Variants in DOCK9 observed in about 807,000 individuals in gnomAD.
DOCK9 encodes dedicator of cytokinesis 9.
Under a neutral mutation model 263.3 loss-of-function variants are expected in DOCK9, and 89 were observed. The ratio of observed to expected loss-of-function variants is 0.34; its 90% CI spans 0.28 to 0.40. The LOEUF is 0.40. Ranked by LOEUF, DOCK9 falls within the 10% of genes least tolerant of loss-of-function variation. The probability of loss-of-function intolerance (pLI) is 1.00; values close to 1 mark genes in which losing one functional copy is unlikely to be tolerated. For synonymous variants in DOCK9, 976 were observed against 973.1 expected (o/e 1.00, Z -0.06); for missense variants, 2,140 against 2,603.4 (o/e 0.82, Z 3.87).
At chr13:98,968,539 G>A (rs375817890) in intron 1 of DOCK9, among the ~76,000 whole-genome samples, 6 of 152,132 alleles carry the variant, frequency 3.9e-5, no homozygotes, top group Admixed American at 1.3e-4. Flanking sequence ...AGAATTGCTT[G>A]CACCCTGGAG....
chr13:98,902,301 T>G lies in DOCK9; in HGVS notation c.1367A>C (p.Gln456Pro), dbSNP rs1183491868. 1 of 1,613,742 alleles carries G rather than the reference T, an allele frequency of 6.2e-7. No individual in the cohort carries two copies. The highest frequency in any genetic ancestry group is 1.3e-5 in the African/African-American group (1 of 74,926). ...LKGILHEAAM[Q>P]YPKQGIFSVT... Reference sequence around the variant, plus strand: ...CATACTCCCCACCTGCTTCGGATACTGCATGGCGGCTTCATGAAGGATGCC... The same window carrying G: ...CATACTCCCCACCTGCTTCGGATACGGCATGGCGGCTTCATGAAGGATGCC... The change falls in exon 12 of 53, where the codon CAG becomes CCG. Residue 456 changes from glutamine (Q) to proline (P), a missense_variant. Around this residue, in one of 2 missense-constraint regions of DOCK9, gnomAD observed 1,521 missense variants for 1,741.7 expected, o/e 0.87. Coordinates refer to ENST00000682017, the MANE Select transcript of DOCK9 (RefSeq NM_001366683.2).
At chr13:98,958,061 C>CA (rs2141037765) in intron 1 of DOCK9, among the ~76,000 whole-genome samples, 1 of 152,324 alleles carries the variant, frequency 6.6e-6, no homozygotes, top group East Asian at 1.9e-4. Context: ...GCATTGTGAG[C>CA]CCTGGACAGG....
rs1276356140 is a variant in DOCK9 at position 98,831,746 on chromosome 13, T to C, written c.4355A>G (p.Lys1452Arg). The C allele has an allele frequency of 1.2e-6, 2 of 1,614,034 alleles. No individual in the cohort carries two copies. Among genetic ancestry groups the C allele is most frequent in the Non-Finnish European group, 1.7e-6 (2 of 1,179,894 alleles). ...LADHGHNPLM[K>R]KVFDVYLCFL... Reference sequence around the variant, plus strand: ...ACACAGGTAGACATCAAAAACTTTTTTCATGAGAGGATTATGTCCATGGTC... The same window carrying C: ...ACACAGGTAGACATCAAAAACTTTTCTCATGAGAGGATTATGTCCATGGTC... The change falls in exon 40 of 53, where the codon AAA (lysine) becomes AGA (arginine). Residue 1452 changes from lysine (K) to arginine (R), a missense_variant. By Grantham distance (26) the Lys-to-Arg change is conservative. Around this residue, in one of 2 missense-constraint regions of DOCK9, gnomAD observed 619 missense variants for 861.8 expected, o/e 0.72. Coordinates refer to ENST00000682017, the MANE Select transcript of DOCK9 (RefSeq NM_001366683.2).
At chr13:98,936,707 T>G (rs1297493125) in intron 2 of DOCK9, among the ~76,000 whole-genome samples, 1 of 152,090 alleles carries the variant, frequency 6.6e-6, no homozygotes, top group Non-Finnish European at 1.5e-5. Context: ...AACCATCCAT[T>G]ACTTGCATAT....
intron 5 of DOCK9, 86 bp from the exon 6 acceptor site, chr13:98,922,232 C>A: frequency 1.0e-6 from 1 of 961,812 alleles, no homozygotes; most frequent in Non-Finnish European, 1.6e-6. Flanking sequence ...GAAGGTCATT[C>A]CCTTTGTGCC....
intron 45 of DOCK9, among the ~76,000 whole-genome samples, chr13:98,812,350 T>C (rs2091393306): frequency 6.6e-6 from 1 of 151,512 alleles, no homozygotes; most frequent in African/African-American, 2.4e-5. Flanking sequence ...ACTCACAGTC[T>C]TAGGAACTGG....
At chr13:99,060,430 T>C (rs2041137241) in intron 1 of DOCK9, among the ~76,000 whole-genome samples, 1 of 152,176 alleles carries the variant, frequency 6.6e-6, no homozygotes, top group Non-Finnish European at 1.5e-5. Flanking sequence ...AACACACAAG[T>C]ACACATTTTT....
chr13:99,006,016 A>G (rs7986702), intron 1 of DOCK9, among the ~76,000 whole-genome samples: 2,663 of 152,346 alleles, frequency 0.017, 91 homozygotes, highest in African/African-American at 0.061. Context: ...TTCTAAGCAT[A>G]AAGGTAATGG....
At chr13:99,020,650 G>C (rs1885985749) in intron 1 of DOCK9, among the ~76,000 whole-genome samples, 1 of 152,114 alleles carries the variant, frequency 6.6e-6, no homozygotes, top group Admixed American at 6.5e-5. Flanking sequence ...ATTTTGATTG[G>C]TAGACGTATT....
At chr13:98,902,938 T>C in intron 11 of DOCK9, 34 bp downstream of exon 11, 15 of 1,478,336 alleles carry the variant, frequency 1.0e-5, no homozygotes, top group Non-Finnish European at 1.3e-5. Flanking sequence ...TGCCTATTTT[T>C]TTTTTAATGT....
At chr13:99,046,509 G>T (rs554721150) in intron 1 of DOCK9, among the ~76,000 whole-genome samples, 5 of 152,294 alleles carry the variant, frequency 3.3e-5, no homozygotes, top group African/African-American at 1.2e-4. Flanking sequence ...GCACTTAAAG[G>T]GTTGCCCAAC....
At chr13:98,977,449 C>CT (rs1875205563) in intron 1 of DOCK9, among the ~76,000 whole-genome samples, 1 of 152,128 alleles carries the variant, frequency 6.6e-6, no homozygotes, top group Non-Finnish European at 1.5e-5. Context: ...CATCTTTTTT[C>CT]AACCCTATAG....
chr13:98,916,335 G>C (rs568102680), intron 7 of DOCK9, among the ~76,000 whole-genome samples: 5 of 152,324 alleles, frequency 3.3e-5, no homozygotes, highest in African/African-American at 1.2e-4. Context: ...TCCCCAGGTT[G>C]GCCGCAGTAG....
chr13:98,915,658 GAAATC>G, intron 7 of DOCK9, among the ~76,000 whole-genome samples, 155 bp from the exon 8 acceptor site: 1 of 134,026 alleles, frequency 7.5e-6, no homozygotes, highest in East Asian at 2.2e-4. Context: ...CCCCCCCCAT[GAAATC>G]CCATTACCGT....
intron 1 of DOCK9, among the ~76,000 whole-genome samples, chr13:99,008,229 T>C (rs1567201171): frequency 1.6e-5 from 2 of 121,246 alleles, no homozygotes; most frequent in African/African-American, 3.3e-5. Flanking sequence ...TATATATATA[T>C]ATATATTTTT....
In DOCK9 at chr13:98,845,969, A is replaced by G. The variant is rs780721961; in HGVS notation, c.4153T>C (p.Leu1385=). 6.2e-7 allele frequency: 1 copy of G among 1,613,320 alleles called. No individual in the cohort carries two copies. The highest frequency in any genetic ancestry group is 1.1e-5 in the South Asian group (1 of 90,776). The change falls in exon 38 of 53, where the codon TTG becomes CTG. Residue 1385 remains leucine (L), a synonymous_variant. Coordinates refer to ENST00000682017, the MANE Select transcript of DOCK9 (RefSeq NM_001366683.2). The part of the protein sequence containing the change: ...RNRTGMMHAR[L]QQLGSLDNSL... ...TTATCCAGGCTGCCCAGCTGCTGCA[A>G]TCTGGCATGCATCATTCCTGTTCTG...
Position 98,807,770 on chromosome 13 carries a change from T to G in DOCK9, c.5405A>C (p.Tyr1802Ser). The G allele has an allele frequency of 6.2e-7, 1 of 1,613,192 alleles. No homozygotes were observed. Among genetic ancestry groups the G allele is most frequent in the Non-Finnish European group, 8.5e-7 (1 of 1,179,334 alleles). ...FEDEDGKEYI[Y>S]KEPKLTPLSE... The stretch of plus-strand genomic sequence containing the variant: ...CAGCGGTGTGAGTTTGGGTTCCTTG[T>G]AAATATACTCCTTTCCATCTTCATC... The change falls in exon 48 of 53, where the codon TAC becomes TCC. Residue 1802 changes from tyrosine (Y) to serine (S), a missense_variant. By Grantham distance (144) the Tyr-to-Ser change is moderately radical. This residue lies in a region of DOCK9 where 619 missense variants were observed against 861.8 expected (regional missense o/e 0.72). Coordinates refer to ENST00000682017, the MANE Select transcript of DOCK9 (RefSeq NM_001366683.2).
chr13:99,029,683 G>C (rs913702955), intron 1 of DOCK9, among the ~76,000 whole-genome samples: 3 of 152,186 alleles, frequency 2.0e-5, no homozygotes, highest in African/African-American at 7.2e-5. Flanking sequence ...GACATAGTGA[G>C]TGTTGGCAAG....
chr13:99,017,000 C>A (rs1482159252), intron 1 of DOCK9, among the ~76,000 whole-genome samples: 1 of 152,146 alleles, frequency 6.6e-6, no homozygotes, highest in African/African-American at 2.4e-5. Context: ...AGTAGTTTAG[C>A]CATTGGGCCC....
Sources: allele counts gnomAD v4.1 joint callset (sites outside exome capture counted in the v4.1 genomes callset), GRCh38; gene constraint gnomAD v4.1.1; regional missense constraint gnomAD v4.1.1; transcripts MANE v1.5; gene names NCBI Gene and HGNC (gene_info 2026-07-23, HGNC 2026-07-21).